The following ITPR1 variants were observed in gnomAD, a reference collection of about 807,000 sequenced individuals.
The protein encoded by ITPR1 is inositol 1,4,5-trisphosphate receptor type 1, also known as inositol 1,4,5-trisphosphate-gated calcium channel ITPR1.
In ITPR1, 96 loss-of-function variants were observed where a neutral mutation model predicts 318.4. That is an observed-to-expected ratio of 0.30 (90% confidence interval 0.26 to 0.36). The LOEUF (loss-of-function observed/expected upper bound fraction) is 0.36, where lower values mean the gene tolerates loss of function less well. Ranked by LOEUF, ITPR1 falls within the 10% of genes least tolerant of loss-of-function variation. The pLI is 1.00. For synonymous variants in ITPR1, 1,312 were observed against 1,289.9 expected, an observed-to-expected ratio of 1.02 and a Z score of -0.37; for missense variants, 2,440 against 3,460.2, an observed-to-expected ratio of 0.71 and a Z score of 7.40.
intron 11 of ITPR1, among the ~76,000 whole-genome samples, chr3:4,652,861 G>A (rs769203840): frequency 1.3e-5 from 2 of 152,078 alleles, no homozygotes; most frequent in African/African-American, 2.4e-5. Context: ...GGTGGTGCAC[G>A]CCTGTAGTCC....
At chr3:4,552,371 G>C (rs2125000984) in intron 4 of ITPR1, among the ~76,000 whole-genome samples, 1 of 152,292 alleles carries the variant, frequency 6.6e-6, no homozygotes, top group Non-Finnish European at 1.5e-5. Context: ...TTTAAGTTTG[G>C]ATTCCTATGA....
At chr3:4,605,272 G>A (rs1384771708) in intron 4 of ITPR1, among the ~76,000 whole-genome samples, 3 of 152,032 alleles carry the variant, frequency 2.0e-5, no homozygotes, top group Non-Finnish European at 2.9e-5. Flanking sequence ...TTAAATGGGG[G>A]ACCACATATT....
chr3:4,527,366 G>A (rs2083066171), intron 4 of ITPR1, among the ~76,000 whole-genome samples: 1 of 152,078 alleles, frequency 6.6e-6, no homozygotes, highest in African/African-American at 2.4e-5. Context: ...TGTAGAGATG[G>A]GGGTCTTGTA....
intron 13 of ITPR1, among the ~76,000 whole-genome samples, chr3:4,660,090 G>A (rs60038939): frequency 0.11 from 16,521 of 152,118 alleles, 2,040 homozygotes; most frequent in African/African-American, 0.3. Context: ...TCAGAGTTTT[G>A]CTTGATTACG....
intron 4 of ITPR1, among the ~76,000 whole-genome samples, chr3:4,529,684 A>T (rs2083260557): frequency 6.6e-6 from 1 of 152,234 alleles, no homozygotes; most frequent in South Asian, 2.1e-4. Context: ...TCTGTGTTTG[A>T]GCCATGAATT....
At chr3:4,832,381 G>A (rs898008669) in intron 60 of ITPR1, among the ~76,000 whole-genome samples, 4 of 152,184 alleles carry the variant, frequency 2.6e-5, no homozygotes, top group Non-Finnish European at 5.9e-5. Context: ...GACCTTCTTT[G>A]AAACGCCGTG....
chr3:4,510,050 C>T (rs1006939905), intron 2 of ITPR1, among the ~76,000 whole-genome samples: 4 of 152,116 alleles, frequency 2.6e-5, no homozygotes, highest in Admixed American at 6.5e-5. Context: ...ATGTTGGAAA[C>T]GTATAACCCA....
intron 2 of ITPR1, among the ~76,000 whole-genome samples, chr3:4,510,795 G>T (rs908799076): frequency 1.3e-5 from 2 of 152,200 alleles, no homozygotes; most frequent in Non-Finnish European, 2.9e-5. Flanking sequence ...CATCTGAGGG[G>T]ATGGGGAAGA....
At chr3:4,744,773 A>G (rs1292112966) in intron 44 of ITPR1, among the ~76,000 whole-genome samples, 1 of 152,204 alleles carries the variant, frequency 6.6e-6, no homozygotes, top group African/African-American at 2.4e-5. Context: ...TTAAGTAAAT[A>G]TTCACCAGAT....
chr3:4,787,581 C>A (rs1486939974), intron 51 of ITPR1, among the ~76,000 whole-genome samples: 1 of 149,070 alleles, frequency 6.7e-6, no homozygotes, highest in East Asian at 2.0e-4. Context: ...GCCTGTAATC[C>A]CAGCTACTCT....
intron 30 of ITPR1, among the ~76,000 whole-genome samples, chr3:4,685,506 A>G (rs973059934): frequency 1.3e-5 from 2 of 152,238 alleles, no homozygotes; most frequent in African/African-American, 4.8e-5. Flanking sequence ...GCTTAGAGCT[A>G]TATCTACCCA....
Position 4,667,518 on chromosome 3 carries a change from G to C in ITPR1, c.1855G>C (p.Val619Leu). 1.2e-6 allele frequency: 2 copies of C among 1,613,574 alleles called. No homozygotes were observed. Among genetic ancestry groups the C allele is most frequent in the Non-Finnish European group, 1.7e-6 (2 of 1,179,656 alleles). The change falls in exon 18 of 62, where the codon GTC (valine) becomes CTC (leucine). Residue 619 changes from valine to leucine, a missense_variant. Around this residue, in one of 23 missense-constraint regions of ITPR1, gnomAD observed 478 missense variants for 696.3 expected, o/e 0.69. Transcript: ENST00000649015. ...TACCGCGGCAGAGATTGACACATTT[G>C]TCAGCCTGGTGCGAAAGAACAGGGA... Reference protein sequence around the residue: ...HITAAEIDTFVSLVRKNREPR... With the variant: ...HITAAEIDTFLSLVRKNREPR...
At chr3:4,611,921 T>C (rs1024338626) in intron 4 of ITPR1, among the ~76,000 whole-genome samples, 2 of 150,036 alleles carry the variant, frequency 1.3e-5, no homozygotes, top group Non-Finnish European at 3.0e-5. Context: ...CCATGCACAG[T>C]GGCTTTCCAT....
intron 4 of ITPR1, among the ~76,000 whole-genome samples, chr3:4,602,857 G>A (rs1290301561): frequency 6.6e-6 from 1 of 151,550 alleles, no homozygotes; most frequent in Non-Finnish European, 1.5e-5. Context: ...GGGGAGAATG[G>A]GGAGTGACTA....
rs1559788508 is a variant in ITPR1, at chr3:4,730,404, TG to T, written c.5221-2683del. 1.9e-3 allele frequency among the ~76,000 whole-genome samples: 287 copies of T among 147,452 alleles called. 2 individuals are homozygous for T. The highest frequency in any genetic ancestry group is 6.2e-3 in the African/African-American group (249 of 40,410). On this transcript the variant is annotated intron_variant, in intron 42 of 61. Coordinates refer to ENST00000649015, the MANE Select transcript of ITPR1 (RefSeq NM_001378452.1). ...GTGTGTGTGTGTGTGTGTGTGTGTG[TG>T]TGTGTGTGTGTGTGTTTCCCCCAGA...
intron 44 of ITPR1, among the ~76,000 whole-genome samples, chr3:4,753,672 A>T (rs1272617497): frequency 3.3e-5 from 5 of 152,078 alleles, no homozygotes; most frequent in Non-Finnish European, 5.9e-5. Flanking sequence ...GCTTTGCTTG[A>T]TGCTTTGCCA....
rs2082151983 is a variant in ITPR1 at position 4,516,093 on chromosome 3, TTAA to T, written c.-16-381_-16-379del. 2.6e-5 allele frequency among the ~76,000 whole-genome samples: 4 copies of T among 152,312 alleles called. No homozygotes were observed. In the South Asian group the frequency reaches 8.3e-4, roughly 32 times the overall value. On this transcript the variant is annotated intron_variant, in intron 2 of 61. Transcript: ENST00000649015. ...CATTCCCTGAAGCAAATTGAATATG[TTAA>T]TGTTTCATAAGTCAGACTTTCCAGG...
chr3:4,508,683 C>T (rs1235575570), intron 2 of ITPR1, among the ~76,000 whole-genome samples: 1 of 151,992 alleles, frequency 6.6e-6, no homozygotes, highest in Non-Finnish European at 1.5e-5. Context: ...GTGCTTTGGC[C>T]TGTTTTAACA....
At chr3:4,531,018 A>G (rs148501118) in intron 4 of ITPR1, among the ~76,000 whole-genome samples, 76 of 152,252 alleles carry the variant, frequency 5.0e-4, no homozygotes, top group Non-Finnish European at 7.2e-4. Context: ...TGATAGGGTC[A>G]TGCATGCTTT....
Sources: gnomAD v4.1 joint callset for allele counts (sites outside exome capture counted in the v4.1 genomes callset) on GRCh38, gnomAD v4.1.1 for gene constraint, gnomAD v4.1.1 regional missense constraint, MANE v1.5 for transcripts, NCBI Gene and HGNC (gene_info 2026-07-23, HGNC 2026-07-21) for gene names.